Variants in BRWD3 observed in about 807,000 individuals in gnomAD.
BRWD3 encodes bromodomain and WD repeat-containing protein 3.
BRWD3 carries 10 observed loss-of-function variants against 149.7 expected under a neutral mutation model. That is an observed-to-expected ratio of 0.07 (90% CI 0.04 to 0.11). BRWD3 has a LOEUF of 0.11. Ranked by LOEUF, BRWD3 falls within the 10% of genes least tolerant of loss-of-function variation. The pLI, the probability that BRWD3 is intolerant of heterozygous loss-of-function variation, is 1.00. For synonymous variants in BRWD3, 504 were observed against 456.7 expected (o/e 1.10, Z -1.32); for missense variants, 940 against 1,373.2 (o/e 0.68, Z 4.99).
intron 23 of BRWD3, 131 bp downstream of exon 23, chrX:80,704,547 A>T (rs1395540519): frequency 3.0e-6 from 2 of 661,034 alleles, no homozygotes; most frequent in African/African-American, 4.5e-5. Context: ...TTGAAGTCAA[A>T]CTACTTTTAC....
chrX:80,739,731 A>T (rs2073456871), intron 8 of BRWD3, among the ~76,000 whole-genome samples: 3 of 111,731 alleles, frequency 2.7e-5, no homozygotes, highest in African/African-American at 9.8e-5. Flanking sequence ...ATGCCTACAC[A>T]CCTATAAGCT....
Position 80,671,520 on chromosome X carries a change from A to C in BRWD3, c.*5089T>G, listed in dbSNP as rs1213412260. On this transcript the variant is annotated 3_prime_UTR_variant, in exon 41 of 41. Transcript: ENST00000373275. The stretch of plus-strand genomic sequence containing the variant: ...TTAATTTTTCTCTGGTACATAAATT[A>C]AGGCATAAAGCAGCAAGAGTGCAAT... 3.6e-5 allele frequency: 4 copies of C among 112,075 alleles called. No individual in the cohort carries two copies. Among genetic ancestry groups the C allele is most frequent in the African/African-American group, 1.3e-4 (4 of 30,915 alleles). 9.2% of individuals were successfully genotyped at this position (112,075 alleles called of 1,213,427 possible). A position where few individuals can be genotyped will look rare whatever the true frequency, so the allele number is the denominator to read the frequency against.
At position 80,809,754 on chromosome X, in the gene BRWD3, GGAAAAAGAGA is replaced by G; in HGVS notation, c.-293_-284del. ...GAGAGAGAAGAGAGAGAGAGAGAGA[GGAAAAAGAGA>G]GAGAGAGAGAGAGAGAGAGAGAGAG... On this transcript the variant is annotated 5_prime_UTR_variant, in exon 1 of 41. Transcript: ENST00000373275. The G allele has an allele frequency of 1.0e-5, 1 of 100,049 alleles. No individual in the cohort carries two copies. Among genetic ancestry groups the G allele is most frequent in the African/African-American group, 8.8e-5 (1 of 11,377 alleles). 8.2% of individuals were successfully genotyped at this position (100,049 alleles called of 1,213,427 possible).
At chrX:80,797,848 C>T (rs1056261338) in intron 4 of BRWD3, among the ~76,000 whole-genome samples, 7 of 111,274 alleles carry the variant, frequency 6.3e-5, no homozygotes, top group African/African-American at 9.8e-5. Flanking sequence ...GTCATCTCAG[C>T]ACTTTGGGAG....
At chrX:80,764,908 C>CA (rs2073842313) in intron 6 of BRWD3, among the ~76,000 whole-genome samples, 1 of 111,465 alleles carries the variant, frequency 9.0e-6, no homozygotes, top group Non-Finnish European at 1.9e-5. Flanking sequence ...AATAAGCATA[C>CA]AAAAAGATGT....
intron 5 of BRWD3, among the ~76,000 whole-genome samples, chrX:80,793,160 CAA>C (rs201065966): frequency 4.5e-5 from 2 of 44,462 alleles, no homozygotes; most frequent in African/African-American, 7.3e-5. Context: ...GACTCTGTCT[CAA>C]AAAAAAAAAA....
chrX:80,719,587 C>T lies in BRWD3; in HGVS notation c.1946G>A (p.Gly649Glu). 8.3e-7 allele frequency: 1 copy of T among 1,209,836 alleles called. No homozygotes were observed. The highest frequency in any genetic ancestry group is 1.1e-6 in the Non-Finnish European group (1 of 894,137). ...TNDQDESILD[G>E]IIRELQREQD... Reference sequence around the variant, plus strand: ...TTCTCTCTGCAGCTCCCTGATTATTCCATCAAGAATGCTCTCATCTTGGTC... The same window carrying T: ...TTCTCTCTGCAGCTCCCTGATTATTTCATCAAGAATGCTCTCATCTTGGTC... The change falls in exon 18 of 41, where the codon GGA becomes GAA. Residue 649 changes from glycine (G) to glutamate (E), a missense_variant. Gly to Glu is a moderately conservative substitution (Grantham distance 98, BLOSUM62 -2). This residue lies in a region of BRWD3 where 209 missense variants were observed against 396.8 expected (regional missense o/e 0.53). Transcript: ENST00000373275.
intron 6 of BRWD3, among the ~76,000 whole-genome samples, chrX:80,754,553 G>A (rs140787435): frequency 1.5e-3 from 171 of 111,953 alleles, no homozygotes; most frequent in African/African-American, 5.3e-3. Context: ...TTGAATAGGA[G>A]TGAAAGCAGG....
intron 8 of BRWD3, among the ~76,000 whole-genome samples, chrX:80,739,961 T>C (rs1456081089): frequency 8.9e-6 from 1 of 112,136 alleles, no homozygotes; most frequent in Non-Finnish European, 1.9e-5. Context: ...GATAATCAAA[T>C]GATTTTTTTC....
chrX:80,768,132 T>C (rs1452113015), intron 6 of BRWD3, among the ~76,000 whole-genome samples: 1 of 111,638 alleles, frequency 9.0e-6, no homozygotes, highest in African/African-American at 3.3e-5. Context: ...ACAGGGAGAA[T>C]GGAATCAAGT....
At chrX:80,798,207 T>C (rs1273129084) in intron 4 of BRWD3, among the ~76,000 whole-genome samples, 2 of 111,888 alleles carry the variant, frequency 1.8e-5, no homozygotes, top group Admixed American at 9.5e-5. Context: ...AACATGCTAG[T>C]TTCTCCTTCA....
chrX:80,791,227 T>C (rs1396366546), intron 6 of BRWD3, among the ~76,000 whole-genome samples: 1 of 112,014 alleles, frequency 8.9e-6, no homozygotes, highest in African/African-American at 3.2e-5. Flanking sequence ...AATAACGTAA[T>C]TTTTTAGAAG....
rs774051062 is a variant in BRWD3 at position 80,766,821 on chromosome X, G to A, written c.431-21092C>T. On this transcript the variant is annotated intron_variant, in intron 6 of 40. Coordinates refer to ENST00000373275, the MANE Select transcript of BRWD3 (RefSeq NM_153252.5). ...GCAGGGTGGGGCACTGCCTCACGCC[G>A]GAAGTGCAAGGGGTCAGGGGATTTC... Among the ~76,000 whole-genome samples the A allele has an allele frequency of 1.5e-4, 17 of 112,438 alleles. 1 individual carries two copies. The highest frequency in any genetic ancestry group is 2.8e-4 in the Non-Finnish European group (15 of 53,182).
Position 80,671,611 on chromosome X carries a change from T to A in BRWD3, c.*4998A>T, listed in dbSNP as rs1235446430. ...AAAGAATGGCAACAAATTAGTCCAG[T>A]TTTTTTGTCTTTGAAGATAATTGCT... On this transcript the variant is annotated 3_prime_UTR_variant, in exon 41 of 41. Coordinates refer to ENST00000373275, the MANE Select transcript of BRWD3 (RefSeq NM_153252.5). 1 of 112,135 alleles carries A rather than the reference T, an allele frequency of 8.9e-6. No individual in the cohort carries two copies. The highest frequency in any genetic ancestry group is 1.9e-5 in the Non-Finnish European group (1 of 53,193). 9.2% of individuals were successfully genotyped at this position (112,135 alleles called of 1,213,427 possible).
intron 27 of BRWD3, among the ~76,000 whole-genome samples, chrX:80,693,277 TTAAA>T (rs1298971115): frequency 8.9e-6 from 1 of 112,258 alleles, no homozygotes; most frequent in East Asian, 2.8e-4. Context: ...TGACCACATC[TTAAA>T]TAAATACTAC....
chrX:80,712,130 G>C (rs953434909), intron 20 of BRWD3, among the ~76,000 whole-genome samples: 14 of 111,523 alleles, frequency 1.3e-4, no homozygotes, highest in African/African-American at 3.6e-4. Flanking sequence ...GTCCAGGAGA[G>C]AGTTGTTTAA....
chrX:80,777,867 G>C (rs2074015310), intron 6 of BRWD3, among the ~76,000 whole-genome samples: 1 of 111,107 alleles, frequency 9.0e-6, no homozygotes, highest in Admixed American at 9.6e-5. Context: ...GCCCAGGCTG[G>C]TCTTAAATTC....
At chrX:80,707,610 A>C (rs1046583351) in intron 21 of BRWD3, 107 bp from the exon 22 acceptor site, 2 of 730,563 alleles carry the variant, frequency 2.7e-6, no homozygotes, top group Non-Finnish European at 4.2e-6. Context: ...TTCTGCCCTC[A>C]AAAAATGTTC....
At chrX:80,745,925 T>C (rs2073586609) in intron 6 of BRWD3, among the ~76,000 whole-genome samples, 196 bp from the exon 7 acceptor site, 1 of 110,706 alleles carries the variant, frequency 9.0e-6, no homozygotes, top group Admixed American at 9.8e-5. Flanking sequence ...AGAATACTCT[T>C]CCATTAAATC....
Sources: gnomAD v4.1 joint callset for allele counts (sites outside exome capture counted in the v4.1 genomes callset) on GRCh38, gnomAD v4.1.1 for gene constraint, gnomAD v4.1.1 regional missense constraint, MANE v1.5 for transcripts, NCBI Gene and HGNC (gene_info 2026-07-23, HGNC 2026-07-21) for gene names.